The following GRAMD1B variants were observed in gnomAD, a reference collection of about 807,000 sequenced individuals.
GRAMD1B encodes the protein protein Aster-B.
A neutral mutation model predicts 99.7 loss-of-function variants in GRAMD1B; 37 were observed. The ratio of observed to expected loss-of-function variants is 0.37; its 90% CI spans 0.29 to 0.49. The LOEUF is 0.49. Among genes scored for constraint, GRAMD1B ranks in the 20% least tolerant of loss-of-function variants. GRAMD1B has a pLI of 0.98. For synonymous variants in GRAMD1B, 427 were observed against 387.6 expected, an observed-to-expected ratio of 1.10 and a Z score of -1.19; for missense variants, 888 against 1,009.2, an observed-to-expected ratio of 0.88 and a Z score of 1.63.
At position 123,414,807 on chromosome 11, in the gene GRAMD1B, C is replaced by T. The variant is rs559499562; in HGVS notation, c.-176+56008C>T. Among the ~76,000 whole-genome samples the T allele has an allele frequency of 1.8e-4, 27 of 152,294 alleles. No homozygotes were observed. In the South Asian group the frequency reaches 4.1e-3, roughly 23 times the overall value. On this transcript the variant is annotated intron_variant, in intron 1 of 20. Transcript: ENST00000638157. ...GATAAATGAACAGATGAGTAAACCA[C>T]GATTGAGATAATGAGCAAATCTCTT...
chr11:123,605,636 C>T (rs573062215), intron 10 of GRAMD1B, among the ~76,000 whole-genome samples, 158 bp downstream of exon 10: 3 of 152,276 alleles, frequency 2.0e-5, no homozygotes, highest in South Asian at 2.1e-4. Context: ...ATGGGCTCTC[C>T]GTATTCTAGT....
chr11:123,525,421 C>T (rs1046478243), intron 2 of GRAMD1B, among the ~76,000 whole-genome samples: 2 of 152,088 alleles, frequency 1.3e-5, no homozygotes, highest in Admixed American at 6.5e-5. Flanking sequence ...AGGTTCCCCT[C>T]CCCCGCAGGG....
rs1565470137 is a variant in GRAMD1B at position 123,614,775 on chromosome 11, A to G, written c.2258A>G (p.Asp753Gly). ...GSTQTRHIPEDTPNGFHLQSV... is the reference protein window; with the variant it reads ...GSTQTRHIPEGTPNGFHLQSV... ...ACACAGACGCGGCATATCCCGGAGG[A>G]CACCCCCAACGGTTTCCACCTGCAG... Residue 753 changes from aspartate (D) to glycine (G), a missense_variant, in exon 17 of 20, where the codon GAC (aspartate) becomes GGC (glycine). Around this residue, in one of 5 missense-constraint regions of GRAMD1B, gnomAD observed 232 missense variants for 261.7 expected, o/e 0.89. Transcript: ENST00000635736. 1 of 1,612,392 alleles carries G rather than the reference A, an allele frequency of 6.2e-7. No homozygotes were observed. The highest frequency in any genetic ancestry group is 2.2e-5 in the East Asian group (1 of 44,868).
chr11:123,573,268 A>G (rs1371871427), intron 2 of GRAMD1B, among the ~76,000 whole-genome samples: 4 of 152,244 alleles, frequency 2.6e-5, no homozygotes, highest in Non-Finnish European at 5.9e-5. Context: ...ATTGAGGAAC[A>G]TATAGTCTAG....
At chr11:123,571,568 T>C (rs1447686474) in intron 2 of GRAMD1B, among the ~76,000 whole-genome samples, 2 of 152,160 alleles carry the variant, frequency 1.3e-5, no homozygotes, top group African/African-American at 4.8e-5. Flanking sequence ...AATAATAGTC[T>C]GTGTTGCAGG....
rs1261003555 is a variant in GRAMD1B, at chr11:123,587,006, A to G, written c.684+2674A>G. ...AGGGCAGTGAGGGCCAGTGCCCTGC[A>G]GAATCGCTGATAGTGGCAAGAGCAT... On this transcript the variant is annotated intron_variant, in intron 4 of 19. Transcript: ENST00000635736. The surrounding 1 kb of genome is among the most constrained non-coding windows in gnomAD (Gnocchi z 4.2). 6.6e-6 allele frequency among the ~76,000 whole-genome samples: 1 copy of G among 152,232 alleles called. No individual in the cohort carries two copies. Among genetic ancestry groups the G allele is most frequent in the African/African-American group, 2.4e-5 (1 of 41,466 alleles).
intron 1 of GRAMD1B, among the ~76,000 whole-genome samples, chr11:123,455,723 CTT>C (rs141213564): frequency 0.015 from 2,276 of 152,172 alleles, 48 homozygotes; most frequent in African/African-American, 0.052. Flanking sequence ...AAATTATCAT[CTT>C]CTTTTATTTT....
intron 1 of GRAMD1B, among the ~76,000 whole-genome samples, chr11:123,463,927 G>A (rs1171560944): frequency 6.6e-6 from 1 of 152,188 alleles, no homozygotes; most frequent in African/African-American, 2.4e-5. Context: ...GCCTTGTGTG[G>A]CAGGCAGAAA....
chr11:123,484,405 C>T (rs557597001), intron 2 of GRAMD1B, among the ~76,000 whole-genome samples: 90 of 152,240 alleles, frequency 5.9e-4, no homozygotes, highest in African/African-American at 2.0e-3. Context: ...GATATAAATT[C>T]TATTCTAATT....
chr11:123,370,005 T>C (rs1946468489), intron 1 of GRAMD1B, among the ~76,000 whole-genome samples: 1 of 152,142 alleles, frequency 6.6e-6, no homozygotes. Context: ...GAAGGACCCC[T>C]GGAAGTCACT....
At chr11:123,423,199 T>C (rs1056300704) in intron 1 of GRAMD1B, among the ~76,000 whole-genome samples, 1 of 151,258 alleles carries the variant, frequency 6.6e-6, no homozygotes. Context: ...AATCATACAG[T>C]CACATTTTGT....
chr11:123,412,059 T>C (rs930996575), intron 1 of GRAMD1B, among the ~76,000 whole-genome samples: 1 of 152,234 alleles, frequency 6.6e-6, no homozygotes, highest in Non-Finnish European at 1.5e-5. Flanking sequence ...TACATATACA[T>C]ACACAGAGAT....
At chr11:123,482,713 T>A (rs1237000971) in intron 2 of GRAMD1B, among the ~76,000 whole-genome samples, 1 of 152,208 alleles carries the variant, frequency 6.6e-6, no homozygotes, top group Non-Finnish European at 1.5e-5. Context: ...TGGATGTGGA[T>A]GCATTAGAGT....
chr11:123,403,448 GATAATAATAATAATAATA>G (rs371716819), intron 1 of GRAMD1B, among the ~76,000 whole-genome samples: 266 of 139,170 alleles, frequency 1.9e-3, no homozygotes, highest in African/African-American at 6.4e-3. Context: ...TGATGATGAT[GATAATAATAATAATAATA>G]ATAATAATAA....
At chr11:123,514,788 GT>G (rs747548283) in intron 2 of GRAMD1B, among the ~76,000 whole-genome samples, 2 of 152,220 alleles carry the variant, frequency 1.3e-5, no homozygotes. Flanking sequence ...AGGTAGACAA[GT>G]AAGATAATTG....
chr11:123,444,579 GCC>G (rs1156588114), intron 1 of GRAMD1B, among the ~76,000 whole-genome samples: 4 of 152,106 alleles, frequency 2.6e-5, no homozygotes, highest in African/African-American at 7.2e-5. Context: ...TCTTTCCATG[GCC>G]CGAATTAGTT....
intron 1 of GRAMD1B, among the ~76,000 whole-genome samples, chr11:123,446,336 T>C (rs1326336253): frequency 7.2e-5 from 11 of 152,006 alleles, no homozygotes; most frequent in African/African-American, 2.7e-4. Context: ...CGGCTAATAT[T>C]TGTGTTTTTA....
chr11:123,446,407 C>A (rs1391921179), intron 1 of GRAMD1B, among the ~76,000 whole-genome samples: 1 of 152,040 alleles, frequency 6.6e-6, no homozygotes, highest in African/African-American at 2.4e-5. Flanking sequence ...CTCGAGTGAT[C>A]CACCCGCCTT....
intron 1 of GRAMD1B, among the ~76,000 whole-genome samples, chr11:123,359,112 C>T (rs1477326319): frequency 2.0e-5 from 3 of 152,090 alleles, no homozygotes; most frequent in Non-Finnish European, 4.4e-5. Flanking sequence ...CCATTCAGTA[C>T]TGGAGACGTG....
Sources: gnomAD v4.1 joint callset for allele counts (sites outside exome capture counted in the v4.1 genomes callset) on GRCh38, gnomAD v4.1.1 for gene constraint, gnomAD v4.1.1 regional missense constraint, Gnocchi (gnomAD v3.1) non-coding constraint, MANE v1.5 for transcripts, NCBI Gene and HGNC (gene_info 2026-07-23, HGNC 2026-07-21) for gene names.